The following SPMIP2 variants were observed in gnomAD, a reference collection of about 807,000 sequenced individuals.
The protein encoded by SPMIP2 is sperm microtubule inner protein 2, also known as protein SPMIP2.
chr4:158,915,196 G>A, the SPMIP2 span: 14 of 1,613,242 alleles, frequency 8.7e-6, no homozygotes, highest in Non-Finnish European at 1.2e-5. Flanking sequence ...AGCTTCGGCA[G>A]CTTAGGTGGT....
chr4:158,973,375 T>A, the SPMIP2 span: 1 of 1,077,714 alleles, frequency 9.3e-7, no homozygotes, highest in Non-Finnish European at 1.3e-6. Flanking sequence ...TTTGTTATTT[T>A]AACCGTTGAA....
chr4:158,926,763 C>A, the SPMIP2 span, among the ~76,000 whole-genome samples: 5 of 152,120 alleles, frequency 3.3e-5, no homozygotes, highest in African/African-American at 1.2e-4. Context: ...AAGTGGAGCA[C>A]TTAACCACAT....
At chr4:159,023,918 C>T in the SPMIP2 span, among the ~76,000 whole-genome samples, 1 of 152,188 alleles carries the variant, frequency 6.6e-6, no homozygotes, top group Non-Finnish European at 1.5e-5. Flanking sequence ...CTCTCCTCCA[C>T]GAGGTTTCCC....
chr4:159,022,232 A>C, the SPMIP2 span, among the ~76,000 whole-genome samples: 1 of 152,172 alleles, frequency 6.6e-6, no homozygotes, highest in Non-Finnish European at 1.5e-5. Flanking sequence ...TTAACTTCAG[A>C]TTTGTTTGCA....
the SPMIP2 span, chr4:159,007,313 C>T: frequency 2.5e-6 from 2 of 795,476 alleles, no homozygotes; most frequent in African/African-American, 3.4e-5. Context: ...CCCCACTGGA[C>T]ATCTCATCCC....
the SPMIP2 span, among the ~76,000 whole-genome samples, chr4:158,959,599 GAAGT>G: frequency 6.6e-6 from 1 of 152,108 alleles, no homozygotes; most frequent in Non-Finnish European, 1.5e-5. Flanking sequence ...AATTAAAAGT[GAAGT>G]AAAATAAGCC....
At chr4:159,025,384 C>T in the SPMIP2 span, among the ~76,000 whole-genome samples, 1 of 152,168 alleles carries the variant, frequency 6.6e-6, no homozygotes, top group East Asian at 1.9e-4. Flanking sequence ...AGGCTGGTCT[C>T]GAGCTACTGA....
At chr4:159,049,448 T>A in the SPMIP2 span, among the ~76,000 whole-genome samples, 99 of 152,318 alleles carry the variant, frequency 6.5e-4, no homozygotes, top group East Asian at 1.5e-3. Flanking sequence ...GTGATTTTTT[T>A]AAAAAATTCT....
the SPMIP2 span, among the ~76,000 whole-genome samples, chr4:158,978,567 G>T: frequency 6.6e-6 from 1 of 152,148 alleles, no homozygotes; most frequent in African/African-American, 2.4e-5. Flanking sequence ...TTTGTAAGGT[G>T]TCTAAGAACT....
At chr4:159,010,145 G>A in the SPMIP2 span, among the ~76,000 whole-genome samples, 3 of 152,186 alleles carry the variant, frequency 2.0e-5, no homozygotes, top group Non-Finnish European at 2.9e-5. Flanking sequence ...TGTATGGCTG[G>A]TTGGTTGTTT....
the SPMIP2 span, among the ~76,000 whole-genome samples, chr4:158,928,429 G>A: frequency 6.6e-5 from 10 of 151,978 alleles, no homozygotes; most frequent in East Asian, 5.8e-4. Flanking sequence ...TGCACCAATC[G>A]ACACTCTGTA....
chr4:158,919,360 G>GAACCGTTTCTC, the SPMIP2 span, among the ~76,000 whole-genome samples: 1 of 152,132 alleles, frequency 6.6e-6, no homozygotes, highest in Admixed American at 6.5e-5. Context: ...CTTCAGTCTG[G>GAACCGTTTCTC]AACCGTTTCT....
the SPMIP2 span, among the ~76,000 whole-genome samples, chr4:159,055,702 C>T: frequency 5.9e-5 from 9 of 151,766 alleles, no homozygotes; most frequent in African/African-American, 1.9e-4. Context: ...AGAGTAAGAC[C>T]CTGTCTCAAA....
chr4:159,026,923 G>A, the SPMIP2 span, among the ~76,000 whole-genome samples: 2 of 150,618 alleles, frequency 1.3e-5, no homozygotes, highest in East Asian at 3.9e-4. Flanking sequence ...CAAAAAACTT[G>A]AAGTTAAGAC....
chr4:159,044,867 G>A, the SPMIP2 span, among the ~76,000 whole-genome samples: 39 of 152,294 alleles, frequency 2.6e-4, no homozygotes, highest in Admixed American at 2.6e-3. Context: ...CAAGGTGGAC[G>A]GATCACCTGA....
At chr4:159,034,986 A>G in the SPMIP2 span, 5 of 1,441,030 alleles carry the variant, frequency 3.5e-6, no homozygotes, top group Non-Finnish European at 4.8e-6. Context: ...GTGAGAGAAA[A>G]AGCAAATTTA....
the SPMIP2 span, among the ~76,000 whole-genome samples, chr4:159,009,843 C>T: frequency 9.2e-5 from 14 of 152,004 alleles, no homozygotes; most frequent in Admixed American, 5.2e-4. Flanking sequence ...AAAATTAGCC[C>T]GACACAGTGG....
At chr4:158,929,586 TG>T in the SPMIP2 span, among the ~76,000 whole-genome samples, 2 of 152,214 alleles carry the variant, frequency 1.3e-5, no homozygotes, top group Admixed American at 1.3e-4. Context: ...GTGGCTGGTC[TG>T]GGGATTATCA....
At chr4:159,026,470 G>A in the SPMIP2 span, 1 of 767,158 alleles carries the variant, frequency 1.3e-6, no homozygotes, top group African/African-American at 1.7e-5. Context: ...GAAATTCATG[G>A]TAGACTGTGT....
Sources: gnomAD v4.1 joint callset for allele counts (sites outside exome capture counted in the v4.1 genomes callset) on GRCh38, gnomAD v4.1.1 for gene constraint, MANE v1.5 for transcripts, NCBI Gene and HGNC (gene_info 2026-07-23, HGNC 2026-07-21) for gene names.